Variants in GNAS observed in about 807,000 individuals in gnomAD.
GNAS encodes the protein GNAS complex locus.
In GNAS, 8 loss-of-function variants were observed where a neutral mutation model predicts 54.5. The ratio of observed to expected loss-of-function variants is 0.15; its 90% CI spans 0.09 to 0.26. GNAS has a LOEUF of 0.26. GNAS is among the 10% of genes least tolerant of loss of function. The pLI, the probability that GNAS is intolerant of heterozygous loss-of-function variation, is 1.00. For missense variants in GNAS, 170 were observed against 529.8 expected (o/e 0.32, Z 6.67); for synonymous variants, 204 against 191.4 (o/e 1.07, Z -0.54).
intron 1 of GNAS, among the ~76,000 whole-genome samples, chr20:58,846,908 C>T (rs1301640234): frequency 1.3e-5 from 2 of 152,194 alleles, no homozygotes; most frequent in African/African-American, 2.4e-5. Context: ...ATTTACCTTC[C>T]GAGATTCCCT....
chr20:58,903,279 C>A, intron 3 of GNAS: 1 of 589,082 alleles, frequency 1.7e-6, no homozygotes, highest in East Asian at 3.0e-5. Flanking sequence ...CTGCATGCAA[C>A]TTCTGGTACA....
In GNAS at chr20:58,853,769, G is replaced by A. The variant is rs779424328; in HGVS notation, c.43+12883G>A. The A allele has an allele frequency of 3.2e-5, 52 of 1,613,350 alleles. No individual in the cohort carries two copies. In the South Asian group the frequency reaches 5.7e-4, roughly 18 times the overall value. The stretch of plus-strand genomic sequence containing the variant: ...AAGCTATGCCCTTTGAGTTTGACCA[G>A]CCTGCCCAGAGAGGCTGCAGTCAAC... On this transcript the variant is annotated intron_variant, in intron 1 of 12. Coordinates refer to the GNAS transcript ENST00000306090. The surrounding 1 kb of genome is among the most constrained non-coding windows in gnomAD (Gnocchi z 4.4).
intron 1 of GNAS, among the ~76,000 whole-genome samples, chr20:58,868,612 G>T (rs571945403): frequency 3.3e-4 from 51 of 152,252 alleles, no homozygotes; most frequent in African/African-American, 1.2e-3. Flanking sequence ...TGAAGAAAGG[G>T]GGCTCATCTC....
At chr20:58,879,601 C>A (rs1482901794) in intron 1 of GNAS, among the ~76,000 whole-genome samples, 1 of 152,212 alleles carries the variant, frequency 6.6e-6, no homozygotes, top group Admixed American at 6.5e-5. Flanking sequence ...GTTACCCCAA[C>A]ACAGCCCAAA....
Position 58,910,915 on chromosome 20 carries a change from A to C in GNAS, c.*86A>C. ...TTGTACAAGCAGTTAATCACCCACC[A>C]TAGGGCATGATTAACAAAGCAACCT... On this transcript the variant is annotated 3_prime_UTR_variant, in exon 13 of 13. Coordinates refer to ENST00000371085, the MANE Select transcript of GNAS (RefSeq NM_000516.7). The surrounding 1 kb of genome is among the most constrained non-coding windows in gnomAD (Gnocchi z 5.8). The C allele has an allele frequency of 7.7e-7, 1 of 1,300,986 alleles. No individual in the cohort carries two copies. The highest frequency in any genetic ancestry group is 1.1e-6 in the Non-Finnish European group (1 of 904,692). 80.6% of individuals were successfully genotyped at this position (1,300,986 alleles called of 1,614,324 possible). A position where few individuals can be genotyped will look rare whatever the true frequency, so the allele number is the denominator to read the frequency against.
Position 58,853,961 on chromosome 20 carries a change from A to AT in GNAS, c.43+13078dup. The AT allele has an allele frequency of 1.9e-6, 3 of 1,612,230 alleles. No homozygotes were observed. In the South Asian group the frequency reaches 3.3e-5, roughly 18 times the overall value. On this transcript the variant is annotated intron_variant, in intron 1 of 12. Transcript: ENST00000306090. The surrounding 1 kb of genome is among the most constrained non-coding windows in gnomAD (Gnocchi z 4.4). ...TGCCATTTGAGCTTGATGGAGAAGG[A>AT]TTTGGGGACGACAGCCCACCCCCGG...
intron 1 of GNAS, chr20:58,895,215 T>C: frequency 3.0e-6 from 1 of 335,634 alleles, no homozygotes; most frequent in South Asian, 2.5e-5. Flanking sequence ...TAGATATGTT[T>C]ATGTGTGAAT....
At chr20:58,896,344 A>G (rs1490075005) in intron 2 of GNAS, among the ~76,000 whole-genome samples, 1 of 152,164 alleles carries the variant, frequency 6.6e-6, no homozygotes, top group African/African-American at 2.4e-5. Flanking sequence ...TATTTAAAGG[A>G]TGGAAAGACT....
intron 1 of GNAS, among the ~76,000 whole-genome samples, chr20:58,871,315 G>T (rs1376172719): frequency 1.3e-5 from 2 of 152,110 alleles, no homozygotes; most frequent in Non-Finnish European, 2.9e-5. Flanking sequence ...AGTAAATAGA[G>T]ATTAAATTTA....
upstream of GNAS, among the ~76,000 whole-genome samples, chr20:58,889,779 C>CT (rs2088953647): frequency 6.6e-6 from 1 of 150,976 alleles, no homozygotes; most frequent in Non-Finnish European, 1.5e-5. Flanking sequence ...GCAGCCAAGC[C>CT]CCCCGACACG....
intron 3 of GNAS, among the ~76,000 whole-genome samples, chr20:58,901,807 G>A (rs1031105467): frequency 1.4e-4 from 21 of 151,062 alleles, no homozygotes; most frequent in Non-Finnish European, 1.9e-4. Flanking sequence ...AAGGCCTGTC[G>A]ACAGGCCCGC....
chr20:58,872,730 C>T (rs1374029772), intron 1 of GNAS, among the ~76,000 whole-genome samples: 1 of 151,788 alleles, frequency 6.6e-6, no homozygotes, highest in Non-Finnish European at 1.5e-5. Flanking sequence ...AGGTTGATTG[C>T]TCTGTGCTGG....
At chr20:58,869,089 A>C (rs570528437) in intron 1 of GNAS, among the ~76,000 whole-genome samples, 1 of 152,176 alleles carries the variant, frequency 6.6e-6, no homozygotes, top group Non-Finnish European at 1.5e-5. Flanking sequence ...GCAACTTTTA[A>C]CGAGTGGATC....
chr20:58,868,947 C>T (rs1389251930), intron 1 of GNAS, among the ~76,000 whole-genome samples: 1 of 152,172 alleles, frequency 6.6e-6, no homozygotes, highest in Non-Finnish European at 1.5e-5. Flanking sequence ...CACCCTTGCG[C>T]CGGCGCCTAA....
chr20:58,880,141 GA>G (rs1157256213), intron 1 of GNAS, among the ~76,000 whole-genome samples: 1 of 152,122 alleles, frequency 6.6e-6, no homozygotes, highest in Non-Finnish European at 1.5e-5. Context: ...GCAGATGGGG[GA>G]AGAAGGGAAC....
At position 58,854,946 on chromosome 20, in the gene GNAS, C is replaced by T. The variant is rs538759375; in HGVS notation, c.43+14060C>T. On this transcript the variant is annotated intron_variant, in intron 1 of 12. Transcript: ENST00000306090. The stretch of plus-strand genomic sequence containing the variant: ...GGGCAAGTCCGAGAGCAGCCGCGGC[C>T]GCCGCGTGTACTACGATGAAGGGGT... 1.9e-5 allele frequency: 31 copies of T among 1,607,398 alleles called. No individual in the cohort carries two copies. In the African/African-American group the frequency reaches 2.8e-4, roughly 15 times the overall value.
chr20:58,855,392 G>A, intron 1 of GNAS: 2 of 1,484,500 alleles, frequency 1.3e-6, no homozygotes, highest in Non-Finnish European at 1.8e-6. Flanking sequence ...GGGAGGGGGT[G>A]GCAGGGCTGC....
intron 1 of GNAS, chr20:58,854,243 C>G (rs2086320593): frequency 2.5e-6 from 4 of 1,613,284 alleles, no homozygotes; most frequent in Non-Finnish European, 3.4e-6. Context: ...TCAACATGGA[C>G]AGCCCCCCAA....
At chr20:58,848,584 T>C (rs751012475) in intron 1 of GNAS, among the ~76,000 whole-genome samples, 3 of 152,244 alleles carry the variant, frequency 2.0e-5, no homozygotes, top group Non-Finnish European at 4.4e-5. Context: ...CAGACGATGC[T>C]GCCCACTAAC....
Sources: allele counts gnomAD v4.1 joint callset (sites outside exome capture counted in the v4.1 genomes callset), GRCh38; gene constraint gnomAD v4.1.1; non-coding constraint Gnocchi (gnomAD v3.1); transcripts MANE v1.5; gene names NCBI Gene and HGNC (gene_info 2026-07-23, HGNC 2026-07-21).